Variants in PTCH2 observed in about 807,000 individuals in gnomAD.
The protein encoded by PTCH2 is protein patched homolog 2.
Under a neutral mutation model 117.9 loss-of-function variants are expected in PTCH2, and 96 were observed. The observed-to-expected ratio is 0.81, with a 90% CI of 0.69 to 0.96. The LOEUF is 0.96. PTCH2 is among the 50% of genes least tolerant of loss of function. PTCH2 has a pLI of 0.00. For synonymous variants in PTCH2, 615 were observed against 660.9 expected (o/e 0.93, Z 1.06); for missense variants, 1,379 against 1,562.5 (o/e 0.88, Z 1.98).
Position 44,823,182 on chromosome 1 carries a change from G to A in PTCH2, c.3258-14C>T, listed in dbSNP as rs2148871787. 1 of 1,614,128 alleles carries A rather than the reference G, an allele frequency of 6.2e-7. No homozygotes were observed. The highest frequency in any genetic ancestry group is 1.1e-5 in the South Asian group (1 of 91,080). ...GCAAAGAAGTACCTAGGGGTAGGGTGTGGGGGGAGTCAGCCCAGGCCTGTC... is the reference window on the plus strand; with the variant it reads ...GCAAAGAAGTACCTAGGGGTAGGGTATGGGGGGAGTCAGCCCAGGCCTGTC... On this transcript the variant is annotated splice_polypyrimidine_tract_variant and intron_variant, in intron 20 of 21. Coordinates refer to ENST00000372192, the MANE Select transcript of PTCH2 (RefSeq NM_003738.5). The surrounding 1 kb of genome is among the most constrained non-coding windows in gnomAD (Gnocchi z 5.1).
downstream of PTCH2, chr1:44,821,790 C>A: frequency 1.5e-6 from 2 of 1,336,342 alleles, no homozygotes; most frequent in Non-Finnish European, 2.0e-6. Flanking sequence ...AAGTATATGA[C>A]AAAAATCCAG....
rs763271375 is a variant in PTCH2 at position 44,826,897 on chromosome 1, C to T, written c.2695+5G>A. Reference sequence around the variant, plus strand: ...GGCTCTTGCCGAGCTCCCCCCAAGACTCACTGCGAAGGTTCTCCCCCGTGG... The same window carrying T: ...GGCTCTTGCCGAGCTCCCCCCAAGATTCACTGCGAAGGTTCTCCCCCGTGG... On this transcript the variant is annotated splice_donor_5th_base_variant and intron_variant, in intron 17 of 21. Transcript: ENST00000372192. This position sits in a 1 kb window ranked among gnomAD's most constrained non-coding sequence, Gnocchi z 5.1. The T allele has an allele frequency of 5.6e-6, 9 of 1,614,010 alleles. No individual in the cohort carries two copies. The highest frequency in any genetic ancestry group is 7.6e-6 in the Non-Finnish European group (9 of 1,180,024).
chr1:44,843,154 C>G lies in PTCH2; in HGVS notation c.-222G>C, dbSNP rs11573537. On this transcript the variant is annotated 5_prime_UTR_variant, in exon 1 of 22. Transcript: ENST00000372192. Reference sequence around the variant, plus strand: ...GGCGCGGCGCCGGGATTCACCCGCTCCGTGGGCCGTGGGCCGCGGCGGCTG... The same window carrying G: ...GGCGCGGCGCCGGGATTCACCCGCTGCGTGGGCCGTGGGCCGCGGCGGCTG... The G allele has an allele frequency of 7.9e-7, 1 of 1,269,372 alleles. No homozygotes were observed. Among genetic ancestry groups the G allele is most frequent in the Non-Finnish European group, 9.9e-7 (1 of 1,008,074 alleles). 78.6% of individuals were successfully genotyped at this position (1,269,372 alleles called of 1,614,324 possible). A position where few individuals can be genotyped will look rare whatever the true frequency, so the allele number is the denominator to read the frequency against.
intron 2 of PTCH2, among the ~76,000 whole-genome samples, chr1:44,836,360 C>A (rs1461412791): frequency 6.6e-6 from 1 of 152,148 alleles, no homozygotes; most frequent in Non-Finnish European, 1.5e-5. Flanking sequence ...GCCTGTAACC[C>A]CAGCACTTCA....
At position 44,826,930 on chromosome 1, in the gene PTCH2, T is replaced by A; in HGVS notation, c.2667A>T (p.Lys889Asn). The A allele has an allele frequency of 6.2e-7, 1 of 1,613,986 alleles. No homozygotes were observed. Among genetic ancestry groups the A allele is most frequent in the Non-Finnish European group, 8.5e-7 (1 of 1,180,016 alleles). The change falls in exon 17 of 22, where the codon AAA (lysine) becomes AAT (asparagine). Residue 889 changes from lysine (K) to asparagine (N), a missense_variant. Physicochemically the swap from Lys to Asn is moderately conservative, Grantham distance 94 (BLOSUM62 0). Coordinates refer to ENST00000372192, the MANE Select transcript of PTCH2 (RefSeq NM_003738.5). The surrounding 1 kb of genome is among the most constrained non-coding windows in gnomAD (Gnocchi z 5.1). ...GAAGGTTCTCCCCCGTGGTGTCGTA[T>A]TTGTCGTGCAGCCATTCAGGAGGTG... ...YPPPPEWLHD[K>N]YDTTGENLRI...
At position 44,842,938 on chromosome 1, in the gene PTCH2, C is replaced by T; in HGVS notation, c.-6G>A. 6.7e-7 allele frequency: 1 copy of T among 1,485,408 alleles called. No individual in the cohort carries two copies. The highest frequency in any genetic ancestry group is 1.2e-5 in the South Asian group (1 of 81,544). The allele number at this position is 1,485,408 out of a possible 1,614,324, so 92.0% of individuals were successfully genotyped here. On this transcript the variant is annotated 5_prime_UTR_variant, in exon 1 of 22. Coordinates refer to ENST00000372192, the MANE Select transcript of PTCH2 (RefSeq NM_003738.5). Reference sequence around the variant, plus strand: ...AGGGGCGGCGATCGAGTCATGCTGGCGGGGATGGGGGGCGCGGGCGCCCCC... The same window carrying T: ...AGGGGCGGCGATCGAGTCATGCTGGTGGGGATGGGGGGCGCGGGCGCCCCC...
In PTCH2 at chr1:44,829,650, G is replaced by A. The variant is rs2148877973; in HGVS notation, c.1047C>T (p.Ser349=). Residue 349 remains serine (S), a synonymous_variant, in exon 8 of 22, where the codon AGC becomes AGT. Transcript: ENST00000372192. The part of the protein sequence containing the change: ...HDIGWSEEQA[S]TVLQAWQRRF... The stretch of plus-strand genomic sequence containing the variant: ...GCCGCTGCCAGGCTTGTAGCACTGT[G>A]CTGGCCTGCTCCTCACTCCAGCCAA... 1 of 1,614,210 alleles carries A rather than the reference G, an allele frequency of 6.2e-7. No individual in the cohort carries two copies. Among genetic ancestry groups the A allele is most frequent in the Middle Eastern group, 1.6e-4 (1 of 6,062 alleles).
At chr1:44,824,176 G>C (rs1653038309) in intron 19 of PTCH2, among the ~76,000 whole-genome samples, 1 of 152,136 alleles carries the variant, frequency 6.6e-6, no homozygotes, top group South Asian at 2.1e-4. Flanking sequence ...TCTAGAAGAG[G>C]GACATCAAAG....
intron 2 of PTCH2, among the ~76,000 whole-genome samples, chr1:44,832,622 G>C (rs1439153759): frequency 1.3e-5 from 2 of 152,220 alleles, no homozygotes; most frequent in Admixed American, 1.3e-4. Context: ...GCTGGGTTTT[G>C]GGTGTAAACT....
At chr1:44,836,992 A>G (rs1305362193) in intron 2 of PTCH2, among the ~76,000 whole-genome samples, 1 of 152,158 alleles carries the variant, frequency 6.6e-6, no homozygotes, top group Non-Finnish European at 1.5e-5. Context: ...CAAGACAAGA[A>G]TGATTTCTTT....
In PTCH2 at chr1:44,831,783, C is replaced by T; in HGVS notation, c.540G>A (p.Leu180=). 1 of 1,604,042 alleles carries T rather than the reference C, an allele frequency of 6.2e-7. No homozygotes were observed. The highest frequency in any genetic ancestry group is 8.5e-7 in the Non-Finnish European group (1 of 1,175,188). ...GGGGGGTGAGGATCACGCACGGAAACAGCTTCTCAATCATCTGCCAGGGAT... is the reference window on the plus strand; with the variant it reads ...GGGGGGTGAGGATCACGCACGGAAATAGCTTCTCAATCATCTGCCAGGGAT... The part of the protein sequence containing the change: ...NGMIERMIEK[L]FPCVILTPLD... Residue 180 remains leucine (L), a synonymous_variant, in exon 5 of 22, where the codon CTG becomes CTA. Coordinates refer to ENST00000372192, the MANE Select transcript of PTCH2 (RefSeq NM_003738.5). This position sits in a 1 kb window ranked among gnomAD's most constrained non-coding sequence, Gnocchi z 4.3.
chr1:44,831,272 G>T lies in PTCH2; in HGVS notation c.618-229C>A, dbSNP rs1056894014. On this transcript the variant is annotated intron_variant, in intron 5 of 21. Transcript: ENST00000372192. The surrounding 1 kb of genome is among the most constrained non-coding windows in gnomAD (Gnocchi z 4.3). ...GGGGCTGAGACGAATATCAGGGCAG[G>T]GTTACCTAATACATAGAAAGGGCCC... Among the ~76,000 whole-genome samples the T allele has an allele frequency of 7.2e-5, 11 of 152,182 alleles. No homozygotes were observed. The highest frequency in any genetic ancestry group is 2.7e-4 in the African/African-American group (11 of 41,420).
rs1654014801 is a variant in PTCH2 at position 44,842,853 on chromosome 1, C to T, written c.72+8G>A. ...TCTCTTCCTTCTTCCAGCTCCCCCT[C>T]TACTCACCTGGGGTGCTGCGGTTCG... On this transcript the variant is annotated splice_region_variant and intron_variant, in intron 1 of 21. Coordinates refer to ENST00000372192, the MANE Select transcript of PTCH2 (RefSeq NM_003738.5). 1 of 1,549,440 alleles carries T rather than the reference C, an allele frequency of 6.5e-7. No homozygotes were observed. The highest frequency in any genetic ancestry group is 8.7e-7 in the Non-Finnish European group (1 of 1,145,018).
In PTCH2 at chr1:44,822,075, GC is replaced by G. The variant is rs1179837784; in HGVS notation, c.*339del. Reference sequence around the variant, plus strand: ...AGGTGGGCAGGGATATGGAGAGCCTGCCCAGGAGTCACCAGACGGAAGGGTG... The same window carrying G: ...AGGTGGGCAGGGATATGGAGAGCCTGCCAGGAGTCACCAGACGGAAGGGTG... On this transcript the variant is annotated 3_prime_UTR_variant, in exon 22 of 22. Coordinates refer to ENST00000372192, the MANE Select transcript of PTCH2 (RefSeq NM_003738.5). 4 of 1,363,934 alleles carry G rather than the reference GC, an allele frequency of 2.9e-6. No individual in the cohort carries two copies. The Admixed American group carries it at 1.2e-4, about 40-fold the overall frequency. The allele number at this position is 1,363,934 out of a possible 1,614,324, so 84.5% of individuals were successfully genotyped here.
chr1:44,823,485 G>C lies in PTCH2; in HGVS notation c.3115-100C>G. ...TGTCTTCAGAGCTCAACGATACCTT[G>C]GCCCACCAAAGGCTGGGTGAACTAA... On this transcript the variant is annotated intron_variant, in intron 19 of 21. Transcript: ENST00000372192. The surrounding 1 kb of genome is among the most constrained non-coding windows in gnomAD (Gnocchi z 5.1). 6.5e-7 allele frequency: 1 copy of C among 1,546,118 alleles called. No homozygotes were observed. Among genetic ancestry groups the C allele is most frequent in the Non-Finnish European group, 8.9e-7 (1 of 1,126,484 alleles).
At chr1:44,828,676 G>C (rs751471201) in intron 11 of PTCH2, 45 bp from the exon 12 acceptor site, 2 of 1,595,568 alleles carry the variant, frequency 1.3e-6, no homozygotes, top group Admixed American at 3.5e-5. Context: ...ACAAGGGAGG[G>C]GCCGTGTCAA....
At position 44,826,923 on chromosome 1, in the gene PTCH2, T is replaced by G. The variant is rs764121153; in HGVS notation, c.2674A>C (p.Thr892Pro). 28 of 1,613,568 alleles carry G rather than the reference T, an allele frequency of 1.7e-5. No individual in the cohort carries two copies. Among genetic ancestry groups the G allele is most frequent in the Non-Finnish European group, 2.3e-5 (27 of 1,179,974 alleles). The change falls in exon 17 of 22, where the codon ACC becomes CCC. Residue 892 changes from threonine to proline, a missense_variant. Transcript: ENST00000372192. The surrounding 1 kb of genome is among the most constrained non-coding windows in gnomAD (Gnocchi z 5.1). ...PPEWLHDKYDTTGENLRIPPA... is the reference protein window; with the variant it reads ...PPEWLHDKYDPTGENLRIPPA... The stretch of plus-strand genomic sequence containing the variant: ...TCACTGCGAAGGTTCTCCCCCGTGG[T>G]GTCGTATTTGTCGTGCAGCCATTCA...
chr1:44,829,855 A>AGT, intron 7 of PTCH2, 54 bp downstream of exon 7: 1 of 1,613,974 alleles, frequency 6.2e-7, no homozygotes. Context: ...CTGGCATTAC[A>AGT]GTATGGGTTC....
At chr1:44,824,898 C>T (rs1249754107) in intron 19 of PTCH2, among the ~76,000 whole-genome samples, 1 of 152,028 alleles carries the variant, frequency 6.6e-6, no homozygotes, top group African/African-American at 2.4e-5. Context: ...GTCTTGAACT[C>T]CTGGCTCAAG....
Sources: gnomAD v4.1 joint callset for allele counts (sites outside exome capture counted in the v4.1 genomes callset) on GRCh38, gnomAD v4.1.1 for gene constraint, Gnocchi (gnomAD v3.1) non-coding constraint, MANE v1.5 for transcripts, NCBI Gene and HGNC (gene_info 2026-07-23, HGNC 2026-07-21) for gene names.